Variants in GPR137 observed in about 807,000 individuals in gnomAD.
GPR137 encodes the protein integral membrane protein GPR137.
Under a neutral mutation model 38.9 loss-of-function variants are expected in GPR137, and 20 were observed. That is an observed-to-expected ratio of 0.51 (90% CI 0.36 to 0.75). GPR137 has a LOEUF of 0.75. Among genes scored for constraint, GPR137 ranks in the 30% least tolerant of loss-of-function variants. The pLI, the probability that GPR137 is intolerant of heterozygous loss-of-function variation, is 0.00. For missense variants in GPR137, 456 were observed against 526.4 expected, an observed-to-expected ratio of 0.87 and a Z score of 1.31; for synonymous variants, 226 against 235.8, an observed-to-expected ratio of 0.96 and a Z score of 0.38.
upstream of GPR137, chr11:64,285,758 G>T (rs1246189957): frequency 8.1e-6 from 8 of 985,268 alleles, no homozygotes; most frequent in Non-Finnish European, 9.6e-6. Context: ...GTTTCACGCC[G>T]GGTGCGGCGC....
upstream of GPR137, chr11:64,284,793 C>G: frequency 6.5e-7 from 1 of 1,529,618 alleles, no homozygotes; most frequent in Non-Finnish European, 8.7e-7. Flanking sequence ...CAACCCGGCC[C>G]GGCCCCGCCC....
chr11:64,276,978 C>G (rs747830931), intron 2 of GPR137: 4 of 736,888 alleles, frequency 5.4e-6, no homozygotes. Context: ...GATGCTTCCG[C>G]GAGCATCCCT....
At chr11:64,275,058 G>A (rs1199540846), upstream of GPR137, among the ~76,000 whole-genome samples, 1 of 149,056 alleles carries the variant, frequency 6.7e-6, no homozygotes, top group Admixed American at 6.7e-5. Flanking sequence ...AAGGCCTAGG[G>A]TAAGATAGGC....
At chr11:64,275,755 GGAA>G (rs1183118958) in exon 1 of GPR137, 1 of 152,006 alleles carries the variant, frequency 6.6e-6, no homozygotes, top group Non-Finnish European at 1.5e-5. Context: ...CCCCACAGGT[GGAA>G]GGTGAGTGAC....
At chr11:64,285,656 G>T (rs2033892930), upstream of GPR137, 1 of 985,024 alleles carries the variant, frequency 1.0e-6, no homozygotes, top group African/African-American at 1.7e-5. Flanking sequence ...CCCCCTGGAT[G>T]CGGCACGGCC....
upstream of GPR137, chr11:64,284,107 G>A (rs1206342270): frequency 1.4e-6 from 2 of 1,481,302 alleles, no homozygotes; most frequent in Non-Finnish European, 1.8e-6. Context: ...AGTGCCTGTG[G>A]ATGCAACTGG....
chr11:64,270,568 G>A (rs2091600096), exon 1 of GPR137: 1 of 710,572 alleles, frequency 1.4e-6, no homozygotes, highest in South Asian at 1.5e-5. Context: ...GGGAAGAGAG[G>A]ATGCCTAGGG....
intron 2 of GPR137, 37 bp from the exon 3 acceptor site, chr11:64,287,684 C>G (rs1166045400): frequency 6.3e-7 from 1 of 1,598,986 alleles, no homozygotes; most frequent in South Asian, 1.1e-5. Context: ...GTGCTGAGGG[C>G]TGTTGAGGGC....
chr11:64,276,891 C>A (rs1201754906), intron 2 of GPR137: 1 of 755,188 alleles, frequency 1.3e-6, no homozygotes, highest in Non-Finnish European at 2.5e-6. Flanking sequence ...TGCCCCAGGC[C>A]CCAGCATGGC....
At chr11:64,280,589 G>T (rs770286037), upstream of GPR137, among the ~76,000 whole-genome samples, 4 of 151,042 alleles carry the variant, frequency 2.6e-5, no homozygotes, top group African/African-American at 4.9e-5. Flanking sequence ...CTGACCTCGT[G>T]ATCCGCCCGC....
At chr11:64,284,059 TG>T, upstream of GPR137, 2 of 1,193,100 alleles carry the variant, frequency 1.7e-6, no homozygotes, top group Non-Finnish European at 2.3e-6. Context: ...AAGAGGAAAC[TG>T]GGGCTCTGAG....
upstream of GPR137, chr11:64,285,810 C>T (rs1229287399): frequency 2.0e-6 from 2 of 985,174 alleles, no homozygotes; most frequent in Non-Finnish European, 1.2e-6. Context: ...ATTTGCGTAG[C>T]GAACGGCGCC....
chr11:64,278,166 C>T (rs766683567), intron 2 of GPR137, among the ~76,000 whole-genome samples: 88 of 151,840 alleles, frequency 5.8e-4, no homozygotes, highest in African/African-American at 1.0e-3. Flanking sequence ...TGGTGGCGTG[C>T]GCCTGTAGTC....
In GPR137 at chr11:64,287,742, T is replaced by C. The variant is rs755648135; in HGVS notation, c.429T>C (p.Phe143=). ...SRGLLAVRGA[F]VGASLLFLLV... ...GCAGGCTCGCTGTCCGAGGGGCCTT[T>C]GTGGGGGCCTCGCTGCTCTTTCTGC... is the stretch of plus-strand genomic sequence containing the variant. Residue 143 remains phenylalanine, a synonymous_variant, in exon 3 of 7, where the codon TTT becomes TTC. Coordinates refer to ENST00000438980, the MANE Select transcript of GPR137 (RefSeq NM_001170880.2). The C allele has an allele frequency of 2.0e-5, 32 of 1,605,496 alleles. 1 individual carries two copies. The Admixed American group carries it at 2.2e-4, about 11-fold the overall frequency.
upstream of GPR137, among the ~76,000 whole-genome samples, chr11:64,283,126 G>A (rs926841428): frequency 6.6e-6 from 1 of 152,184 alleles, no homozygotes; most frequent in African/African-American, 2.4e-5. Flanking sequence ...GAGTGTGGGT[G>A]TTTATCCGTA....
chr11:64,286,187 G>C lies in GPR137; in HGVS notation c.-338G>C, dbSNP rs2034009457. Reference sequence around the variant, plus strand: ...AGGACGACATGAACGACCGAGGCCAGGGAGTCCTCTCCTTGGGCCTCTGCA... The same window carrying C: ...AGGACGACATGAACGACCGAGGCCACGGAGTCCTCTCCTTGGGCCTCTGCA... On this transcript the variant is annotated 5_prime_UTR_variant, in exon 1 of 7. Transcript: ENST00000438980. 1 of 1,092,652 alleles carries C rather than the reference G, an allele frequency of 9.2e-7. No homozygotes were observed. The highest frequency in any genetic ancestry group is 4.0e-5 in the South Asian group (1 of 24,950). 67.7% of individuals were successfully genotyped at this position (1,092,652 alleles called of 1,614,324 possible).
At chr11:64,282,958 G>C (rs1008072805), upstream of GPR137, among the ~76,000 whole-genome samples, 1 of 151,652 alleles carries the variant, frequency 6.6e-6, no homozygotes, top group Non-Finnish European at 1.5e-5. Context: ...TCCCAGTTAC[G>C]TGGGAGGATC....
upstream of GPR137, among the ~76,000 whole-genome samples, chr11:64,280,332 AAATAAT>A (rs144682603): frequency 1.5e-4 from 19 of 123,512 alleles, no homozygotes; most frequent in East Asian, 7.2e-4. Flanking sequence ...AAATAAAATA[AAATAAT>A]AATAATAATA....
upstream of GPR137, among the ~76,000 whole-genome samples, chr11:64,280,391 G>T (rs1369392043): frequency 7.4e-6 from 1 of 135,060 alleles, no homozygotes; most frequent in African/African-American, 2.8e-5. Context: ...TTGCTCTGTC[G>T]CCCAGGCTGG....
Sources: allele counts gnomAD v4.1 joint callset (sites outside exome capture counted in the v4.1 genomes callset), GRCh38; gene constraint gnomAD v4.1.1; transcripts MANE v1.5; gene names NCBI Gene and HGNC (gene_info 2026-07-23, HGNC 2026-07-21).